Variants in FMN1 observed in about 807,000 individuals in gnomAD.
FMN1 encodes formin 1, also known as formin-1.
FMN1 carries 110 observed loss-of-function variants against 132.4 expected under a neutral mutation model. The ratio of observed to expected loss-of-function variants is 0.83; its 90% CI spans 0.71 to 0.97. The LOEUF (loss-of-function observed/expected upper bound fraction) is 0.97. Among genes scored for constraint, FMN1 ranks in the 50% least tolerant of loss-of-function variants. The pLI, the probability that FMN1 is intolerant of heterozygous loss-of-function variation, is 0.00. For synonymous variants in FMN1, 722 were observed against 651.7 expected, an observed-to-expected ratio of 1.11 and a Z score of -1.64; for missense variants, 1,792 against 1,705.3, an observed-to-expected ratio of 1.05 and a Z score of -0.90.
intron 17 of FMN1, among the ~76,000 whole-genome samples, chr15:32,851,679 C>A (rs1211441707): frequency 6.6e-6 from 1 of 152,054 alleles, no homozygotes; most frequent in Non-Finnish European, 1.5e-5. Context: ...GAAAAAGTAC[C>A]ACAGTTTTGT....
intron 5 of FMN1, chr15:33,067,438 G>T: frequency 6.2e-7 from 1 of 1,614,038 alleles, no homozygotes; most frequent in Non-Finnish European, 8.5e-7. Context: ...CATCATCAGA[G>T]TCAGAATCAC....
intron 19 of FMN1, among the ~76,000 whole-genome samples, chr15:32,789,954 G>A (rs2057014104): frequency 6.6e-6 from 1 of 152,174 alleles, no homozygotes; most frequent in South Asian, 2.1e-4. Context: ...ACACCATCTA[G>A]GTTTGTGTAA....
chr15:32,974,031 G>C (rs2032004034), intron 7 of FMN1, among the ~76,000 whole-genome samples: 1 of 152,198 alleles, frequency 6.6e-6, no homozygotes, highest in African/African-American at 2.4e-5. Context: ...TCTTCAGGAA[G>C]TGTCAAAACC....
At chr15:33,120,185 ACTTCTCAGAAATAATC>A (rs1345151130) in intron 4 of FMN1, among the ~76,000 whole-genome samples, 1 of 152,218 alleles carries the variant, frequency 6.6e-6, no homozygotes, top group Admixed American at 6.5e-5. Context: ...ATTGTTTTTC[ACTTCTCAGAAATAATC>A]TGTTCTTTTG....
chr15:33,078,829 AG>A (rs1227780316), intron 5 of FMN1, among the ~76,000 whole-genome samples: 2 of 152,174 alleles, frequency 1.3e-5, no homozygotes, highest in Non-Finnish European at 2.9e-5. Flanking sequence ...CTTTTTTGAA[AG>A]ACACACATGG....
At chr15:33,129,597 C>G (rs1963445029) in intron 4 of FMN1, among the ~76,000 whole-genome samples, 1 of 152,112 alleles carries the variant, frequency 6.6e-6, no homozygotes. Context: ...CACAACCATC[C>G]ACTGTCGTGG....
intron 19 of FMN1, among the ~76,000 whole-genome samples, chr15:32,788,160 C>T (rs1260157204): frequency 6.6e-6 from 1 of 152,132 alleles, no homozygotes; most frequent in Non-Finnish European, 1.5e-5. Flanking sequence ...AGTTGGGGAG[C>T]CCTGGACTTG....
At chr15:33,088,552 C>A (rs926871470) in intron 5 of FMN1, among the ~76,000 whole-genome samples, 1 of 152,192 alleles carries the variant, frequency 6.6e-6, no homozygotes, top group African/African-American at 2.4e-5. Flanking sequence ...ATGAACAGAG[C>A]GCTCTGAGAA....
chr15:33,164,447 T>C (rs1219775024), intron 3 of FMN1, among the ~76,000 whole-genome samples: 1 of 152,134 alleles, frequency 6.6e-6, no homozygotes, highest in African/African-American at 2.4e-5. Context: ...AGCTGGTTAT[T>C]AAAGGGAAAA....
intron 5 of FMN1, 96 bp downstream of exon 5, chr15:33,088,703 T>C: frequency 9.3e-7 from 1 of 1,071,270 alleles, no homozygotes; most frequent in Non-Finnish European, 1.3e-6. Context: ...ATACATTAAA[T>C]GCAGCTTTAT....
At chr15:32,897,183 A>G (rs1391872771) in intron 15 of FMN1, among the ~76,000 whole-genome samples, 1 of 152,212 alleles carries the variant, frequency 6.6e-6, no homozygotes, top group African/African-American at 2.4e-5. Context: ...CTGGATGATT[A>G]GTGATGTTGG....
intron 6 of FMN1, among the ~76,000 whole-genome samples, chr15:33,014,001 G>A (rs2034890944): frequency 6.7e-6 from 1 of 148,838 alleles, no homozygotes; most frequent in Non-Finnish European, 1.5e-5. Context: ...CTAACATCTA[G>A]GAAAGCATGA....
At chr15:33,059,958 C>CA (rs1384525684) in intron 6 of FMN1, among the ~76,000 whole-genome samples, 1 of 152,230 alleles carries the variant, frequency 6.6e-6, no homozygotes, top group Non-Finnish European at 1.5e-5. Context: ...TTGGGAGAGT[C>CA]AGTCTCCTCT....
intron 5 of FMN1, chr15:33,067,981 G>A (rs915459705): frequency 1.0e-5 from 15 of 1,485,238 alleles, no homozygotes; most frequent in Non-Finnish European, 1.3e-5. Context: ...ACAGGACAGA[G>A]AGCAACAGGA....
At chr15:33,044,862 C>T (rs555933783) in intron 6 of FMN1, among the ~76,000 whole-genome samples, 5 of 152,338 alleles carry the variant, frequency 3.3e-5, no homozygotes, top group African/African-American at 1.2e-4. Context: ...CACCTTGCTC[C>T]CCCCTCCACT....
intron 6 of FMN1, among the ~76,000 whole-genome samples, chr15:33,023,134 G>A (rs1211324033): frequency 1.4e-5 from 2 of 139,924 alleles, no homozygotes; most frequent in African/African-American, 2.7e-5. Context: ...GACTAAATCT[G>A]CAACATTCAC....
chr15:32,863,817 A>G (rs979423996), intron 16 of FMN1, among the ~76,000 whole-genome samples: 2 of 152,220 alleles, frequency 1.3e-5, no homozygotes, highest in Non-Finnish European at 2.9e-5. Context: ...ACACACTTTT[A>G]TCAAAACAAA....
intron 3 of FMN1, among the ~76,000 whole-genome samples, chr15:33,163,298 C>CTT (rs200600407): frequency 3.3e-4 from 48 of 144,728 alleles, no homozygotes; most frequent in East Asian, 6.1e-4. Flanking sequence ...CTTGTCTTTT[C>CTT]TTTTTTTTTT....
intron 3 of FMN1, 131 bp downstream of exon 3, chr15:33,180,067 T>G (rs909181661): frequency 6.6e-6 from 1 of 152,242 alleles, no homozygotes; most frequent in Non-Finnish European, 1.5e-5. Flanking sequence ...GGAATTAACA[T>G]AACAATGTGG....
Sources: gnomAD v4.1 joint callset for allele counts (sites outside exome capture counted in the v4.1 genomes callset) on GRCh38, gnomAD v4.1.1 for gene constraint, MANE v1.5 for transcripts, NCBI Gene and HGNC (gene_info 2026-07-23, HGNC 2026-07-21) for gene names.